Variants in RANBP2 observed in about 807,000 individuals in gnomAD.
RANBP2 encodes E3 SUMO-protein ligase RanBP2.
Under a neutral mutation model 303.6 loss-of-function variants are expected in RANBP2, and 57 were observed. That is an observed-to-expected ratio of 0.19 (90% CI 0.15 to 0.23). The LOEUF (loss-of-function observed/expected upper bound fraction) is 0.23, where lower values mean the gene tolerates loss of function less well. Among genes scored for constraint, RANBP2 ranks in the 10% least tolerant of loss-of-function variants. RANBP2 has a pLI of 1.00. For synonymous variants in RANBP2, 1,167 were observed against 1,301.5 expected (o/e 0.90, Z 2.23); for missense variants, 3,138 against 3,780.8 (o/e 0.83, Z 4.46).
the RANBP2 span, among the ~76,000 whole-genome samples, chr2:109,352,544 G>C: frequency 6.6e-6 from 1 of 152,220 alleles, no homozygotes. Flanking sequence ...CCGAGACGAT[G>C]AGGAAACTTT....
At chr2:109,569,140 A>G in the RANBP2 span, among the ~76,000 whole-genome samples, 1 of 152,114 alleles carries the variant, frequency 6.6e-6, no homozygotes, top group African/African-American at 2.4e-5. Context: ...ATTAAAAGTA[A>G]AAAATTGACT....
At chr2:109,576,917 T>C in the RANBP2 span, among the ~76,000 whole-genome samples, 1 of 152,122 alleles carries the variant, frequency 6.6e-6, no homozygotes, top group South Asian at 2.1e-4. Context: ...GAAGCAATAT[T>C]TACAGAAGAA....
chr2:109,400,248 G>A, the RANBP2 span, among the ~76,000 whole-genome samples: 1 of 150,710 alleles, frequency 6.6e-6, no homozygotes, highest in African/African-American at 2.4e-5. Context: ...ATATTACATG[G>A]ACACTTGAGC....
At chr2:108,774,427 T>C (rs1677729743) in intron 23 of RANBP2, among the ~76,000 whole-genome samples, 1 of 152,092 alleles carries the variant, frequency 6.6e-6, no homozygotes, top group Non-Finnish European at 1.5e-5. Context: ...TGCCTGTGTA[T>C]AGCCACTGCT....
chr2:108,818,862 A>T, the RANBP2 span, among the ~76,000 whole-genome samples: 1 of 151,812 alleles, frequency 6.6e-6, no homozygotes, highest in East Asian at 1.9e-4. Context: ...TAATTTACTT[A>T]AGGATGGATT....
the RANBP2 span, among the ~76,000 whole-genome samples, chr2:109,013,344 G>A: frequency 6.6e-3 from 999 of 152,278 alleles, 8 homozygotes; most frequent in South Asian, 0.029. Flanking sequence ...GCAAAGCTAC[G>A]TTTTTATTGT....
the RANBP2 span, among the ~76,000 whole-genome samples, chr2:109,495,477 C>CTTTTTTTTTTTTTTTTTTTTTTTTTTTTT: frequency 1.1e-5 from 1 of 94,240 alleles, no homozygotes; most frequent in African/African-American, 4.6e-5. Flanking sequence ...TCTTTCATTC[C>CTTTTTTTTTTTTTTTTTTTTTTTTTTTTT]TTTTTTTTTT....
chr2:109,294,408 A>G, the RANBP2 span, among the ~76,000 whole-genome samples: 1 of 151,864 alleles, frequency 6.6e-6, no homozygotes, highest in Non-Finnish European at 1.5e-5. Flanking sequence ...TAAAAATACA[A>G]AAATTAGCCG....
chr2:109,318,625 G>T, the RANBP2 span, among the ~76,000 whole-genome samples: 1 of 152,206 alleles, frequency 6.6e-6, no homozygotes, highest in South Asian at 2.1e-4. Flanking sequence ...CACACTGGGG[G>T]CAGCATTTGT....
chr2:109,717,486 G>A, the RANBP2 span, among the ~76,000 whole-genome samples: 2 of 152,140 alleles, frequency 1.3e-5, no homozygotes, highest in Non-Finnish European at 2.9e-5. Flanking sequence ...GGAGGCTGAG[G>A]CAGGAGAATC....
At chr2:109,245,907 T>G in the RANBP2 span, among the ~76,000 whole-genome samples, 1 of 152,164 alleles carries the variant, frequency 6.6e-6, no homozygotes, top group African/African-American at 2.4e-5. Context: ...CGGGCATCAT[T>G]TACTGGTCTC....
chr2:109,557,462 T>G, the RANBP2 span, among the ~76,000 whole-genome samples: 27 of 152,172 alleles, frequency 1.8e-4, no homozygotes, highest in Admixed American at 3.3e-4. Context: ...CAAAGAAACA[T>G]AGCTGAAAAG....
At chr2:109,714,341 C>T in the RANBP2 span, among the ~76,000 whole-genome samples, 2 of 152,016 alleles carry the variant, frequency 1.3e-5, no homozygotes, top group Non-Finnish European at 2.9e-5. Flanking sequence ...CTCGCTCTGT[C>T]GCCAGGCTGG....
the RANBP2 span, among the ~76,000 whole-genome samples, chr2:108,831,634 G>T: frequency 6.6e-6 from 1 of 152,128 alleles, no homozygotes; most frequent in East Asian, 1.9e-4. Flanking sequence ...TGCAGGACTT[G>T]TTAAAACTCA....
the RANBP2 span, among the ~76,000 whole-genome samples, chr2:108,817,018 C>T: frequency 6.6e-6 from 1 of 152,108 alleles, no homozygotes; most frequent in Non-Finnish European, 1.5e-5. Flanking sequence ...TTAAAGGCCC[C>T]ACTTATCAAT....
At chr2:109,019,666 G>T in the RANBP2 span, among the ~76,000 whole-genome samples, 3 of 152,142 alleles carry the variant, frequency 2.0e-5, no homozygotes, top group African/African-American at 7.2e-5. Context: ...TTTTTGGCTC[G>T]CTGATTTTTG....
At chr2:109,141,839 G>A in the RANBP2 span, among the ~76,000 whole-genome samples, 37 of 152,172 alleles carry the variant, frequency 2.4e-4, no homozygotes, top group Non-Finnish European at 4.4e-4. Flanking sequence ...CCAGGTCCTC[G>A]CCTCCTTTCA....
the RANBP2 span, among the ~76,000 whole-genome samples, chr2:109,282,719 A>G: frequency 6.6e-6 from 1 of 152,180 alleles, no homozygotes; most frequent in Non-Finnish European, 1.5e-5. Flanking sequence ...TACCAGCTTT[A>G]TGGCTTTGTT....
At chr2:109,440,078 T>C in the RANBP2 span, among the ~76,000 whole-genome samples, 1 of 152,250 alleles carries the variant, frequency 6.6e-6, no homozygotes, top group Non-Finnish European at 1.5e-5. Context: ...GGAACCAGCA[T>C]GAGCAATGGC....
Sources: allele counts gnomAD v4.1 joint callset (sites outside exome capture counted in the v4.1 genomes callset), GRCh38; gene constraint gnomAD v4.1.1; transcripts MANE v1.5; gene names NCBI Gene and HGNC (gene_info 2026-07-23, HGNC 2026-07-21).